Variants in CD226 observed in about 807,000 individuals in gnomAD.
CD226 encodes CD226 molecule, also known as CD226 antigen.
In CD226, 24 loss-of-function variants were observed where a neutral mutation model predicts 34.9. That is an observed-to-expected ratio of 0.69 (90% confidence interval 0.50 to 0.97). CD226 has a LOEUF of 0.97. Ranked by LOEUF, CD226 falls within the 50% of genes least tolerant of loss-of-function variation. The pLI is 0.00. For missense variants in CD226, 397 were observed against 412.7 expected (o/e 0.96, Z 0.33); for synonymous variants, 148 against 147.4 (o/e 1.00, Z -0.03).
At chr18:69,888,531 G>A (rs1280551564) in intron 3 of CD226, among the ~76,000 whole-genome samples, 4 of 148,404 alleles carry the variant, frequency 2.7e-5, no homozygotes, top group East Asian at 4.0e-4. Context: ...GACTCCTACC[G>A]CCTCAGCCTC....
chr18:69,936,751 T>C (rs1255300963), intron 2 of CD226, among the ~76,000 whole-genome samples: 1 of 152,194 alleles, frequency 6.6e-6, no homozygotes, highest in Admixed American at 6.5e-5. Flanking sequence ...TTGGAATGAC[T>C]TTTTTTCTTA....
At position 69,895,876 on chromosome 18, in the gene CD226, G is replaced by A; in HGVS notation, c.552C>T (p.Gly184=). The A allele has an allele frequency of 6.2e-7, 1 of 1,614,176 alleles. No individual in the cohort carries two copies. The highest frequency in any genetic ancestry group is 8.5e-7 in the Non-Finnish European group (1 of 1,180,040). ...TTGGGAACTTGGAGGTGAAATTTCT[G>A]CCATGGACCAAGTTGCAGTAAGTTA... is the stretch of plus-strand genomic sequence containing the variant. The part of the protein sequence containing the change: ...DLLTYCNLVH[G]RNFTSKFPRQ... The change falls in exon 3 of 6, where the codon GGC becomes GGT. Residue 184 remains glycine (G), a synonymous_variant. Transcript: ENST00000582621.
chr18:69,888,851 T>G (rs1984716591), intron 3 of CD226, among the ~76,000 whole-genome samples: 2 of 152,116 alleles, frequency 1.3e-5, no homozygotes. Flanking sequence ...CATGTAACCT[T>G]TTAGAGTTTC....
intron 2 of CD226, among the ~76,000 whole-genome samples, chr18:69,903,570 T>C (rs897227578): frequency 3.9e-5 from 6 of 151,956 alleles, no homozygotes; most frequent in African/African-American, 1.5e-4. Flanking sequence ...GCAGATACAA[T>C]TAGTTAACAT....
chr18:69,896,170 T>G, intron 2 of CD226, 125 bp from the exon 3 acceptor site: 1 of 1,418,088 alleles, frequency 7.1e-7, no homozygotes, highest in East Asian at 2.5e-5. Flanking sequence ...GTGAATGACC[T>G]CTTTATACTA....
At chr18:69,873,452 G>A (rs1394905785) in intron 3 of CD226, among the ~76,000 whole-genome samples, 2 of 150,922 alleles carry the variant, frequency 1.3e-5, no homozygotes, top group Non-Finnish European at 2.9e-5. Context: ...ATTTTTATTT[G>A]TTTTTTGATT....
chr18:69,955,688 C>T (rs1278830634), intron 1 of CD226, among the ~76,000 whole-genome samples: 1 of 152,054 alleles, frequency 6.6e-6, no homozygotes, highest in Middle Eastern at 3.4e-3. Context: ...ACGGTGAAAC[C>T]ACGTCTCTGC....
At chr18:69,882,033 T>G (rs138296098) in intron 3 of CD226, among the ~76,000 whole-genome samples, 4 of 152,346 alleles carry the variant, frequency 2.6e-5, no homozygotes, top group African/African-American at 9.6e-5. Context: ...GGGCCATGGC[T>G]TCAACCTCTA....
intron 2 of CD226, among the ~76,000 whole-genome samples, chr18:69,920,822 C>T (rs1396127373): frequency 6.6e-6 from 1 of 152,064 alleles, no homozygotes; most frequent in Non-Finnish European, 1.5e-5. Flanking sequence ...TGACTGAGTT[C>T]CTTAAAAGAA....
intron 2 of CD226, among the ~76,000 whole-genome samples, chr18:69,934,966 G>T (rs979200430): frequency 1.3e-5 from 2 of 152,128 alleles, no homozygotes; most frequent in African/African-American, 4.8e-5. Context: ...AAGCCATTCT[G>T]CCTGCAACCT....
chr18:69,869,645 T>C (rs1356135772), intron 4 of CD226, among the ~76,000 whole-genome samples: 3 of 152,108 alleles, frequency 2.0e-5, no homozygotes, highest in African/African-American at 7.2e-5. Flanking sequence ...ATCCTGCACA[T>C]GTATCCCTGA....
At chr18:69,913,695 GTC>G (rs1449092950) in intron 2 of CD226, among the ~76,000 whole-genome samples, 1 of 152,198 alleles carries the variant, frequency 6.6e-6, no homozygotes, top group Non-Finnish European at 1.5e-5. Flanking sequence ...GGCAGGAGAA[GTC>G]TCTGCAGGAT....
At chr18:69,898,243 C>T (rs1219443614) in intron 2 of CD226, among the ~76,000 whole-genome samples, 2 of 152,054 alleles carry the variant, frequency 1.3e-5, no homozygotes, top group Non-Finnish European at 2.9e-5. Context: ...TCATGTGAGC[C>T]CTTCTGGTCC....
intron 2 of CD226, among the ~76,000 whole-genome samples, chr18:69,936,931 C>G (rs921819720): frequency 4.6e-5 from 7 of 152,156 alleles, no homozygotes; most frequent in African/African-American, 1.7e-4. Flanking sequence ...TTTGAAATTT[C>G]CTTTGACAGG....
At chr18:69,879,944 A>G (rs897813307) in intron 3 of CD226, among the ~76,000 whole-genome samples, 1 of 152,204 alleles carries the variant, frequency 6.6e-6, no homozygotes, top group Non-Finnish European at 1.5e-5. Flanking sequence ...ACGGAATTGT[A>G]CGTGAGATGG....
chr18:69,896,463 G>C (rs1351890130), intron 2 of CD226, among the ~76,000 whole-genome samples: 4 of 152,200 alleles, frequency 2.6e-5, no homozygotes, highest in Non-Finnish European at 5.9e-5. Context: ...TTACAGGCAT[G>C]AGCCACCGCA....
In CD226 at chr18:69,936,003, C is replaced by T. The variant is rs567034446; in HGVS notation, c.382+10731G>A. Among the ~76,000 whole-genome samples the T allele has an allele frequency of 2.3e-3, 344 of 152,216 alleles. 1 individual carries two copies. Among genetic ancestry groups the T allele is most frequent in the African/African-American group, 7.9e-3 (330 of 41,514 alleles). ...TAAAAGTTTCCTCTGGATTTTGCTA[C>T]AGCTCAGAAGTGTCAAAGACTGGGG... is the stretch of plus-strand genomic sequence containing the variant. On this transcript the variant is annotated intron_variant, in intron 2 of 5. Coordinates refer to ENST00000582621, the MANE Select transcript of CD226 (RefSeq NM_001303618.2).
At chr18:69,897,545 T>C (rs1016062977) in intron 2 of CD226, among the ~76,000 whole-genome samples, 3 of 152,164 alleles carry the variant, frequency 2.0e-5, no homozygotes, top group African/African-American at 7.2e-5. Flanking sequence ...GGAAGTCATC[T>C]GTCACTTCAA....
At chr18:69,874,058 G>GA (rs1291377906) in intron 3 of CD226, among the ~76,000 whole-genome samples, 1 of 151,952 alleles carries the variant, frequency 6.6e-6, no homozygotes, top group Admixed American at 6.6e-5. Flanking sequence ...CTCAATGTCT[G>GA]AAAGTTTACC....
Sources: allele counts gnomAD v4.1 joint callset (sites outside exome capture counted in the v4.1 genomes callset), GRCh38; gene constraint gnomAD v4.1.1; transcripts MANE v1.5; gene names NCBI Gene and HGNC (gene_info 2026-07-23, HGNC 2026-07-21).